KALRN: variants seen among roughly 807,000 people sequenced by gnomAD.
KALRN encodes the protein kalirin RhoGEF kinase.
A neutral mutation model predicts 353.7 loss-of-function variants in KALRN; 70 were observed. The ratio of observed to expected loss-of-function variants is 0.20; its 90% CI spans 0.16 to 0.24. KALRN has a LOEUF of 0.24. Among genes scored for constraint, KALRN ranks in the 10% least tolerant of loss-of-function variants. KALRN has a pLI of 1.00. For missense variants in KALRN, 2,791 were observed against 3,756.7 expected (o/e 0.74, Z 6.72); for synonymous variants, 1,391 against 1,434.8 (o/e 0.97, Z 0.69).
chr3:124,725,654 T>C lies in KALRN; in HGVS notation c.*6184T>C, dbSNP rs1478105801. On this transcript the variant is annotated 3_prime_UTR_variant, in exon 60 of 60. Coordinates refer to ENST00000682506, the MANE Select transcript of KALRN (RefSeq NM_001388419.1). ...TCTACTCATTCTGGAATTAATTTGCTGTCTTTTGACATCCACAAAGCCAAA... is the reference window on the plus strand; with the variant it reads ...TCTACTCATTCTGGAATTAATTTGCCGTCTTTTGACATCCACAAAGCCAAA... The C allele has an allele frequency of 3.3e-5, 5 of 152,264 alleles. No homozygotes were observed. Among genetic ancestry groups the C allele is most frequent in the Non-Finnish European group, 7.3e-5 (5 of 68,038 alleles). 9.4% of individuals were successfully genotyped at this position (152,264 alleles called of 1,614,324 possible).
At chr3:124,077,722 T>C (rs138120762) in intron 1 of KALRN, among the ~76,000 whole-genome samples, 7 of 152,358 alleles carry the variant, frequency 4.6e-5, no homozygotes, top group African/African-American at 1.4e-4. Flanking sequence ...TACCGTCTGA[T>C]ACGTCTTCCC....
intron 51 of KALRN, among the ~76,000 whole-genome samples, chr3:124,684,323 A>T (rs1001879926): frequency 3.3e-5 from 5 of 152,200 alleles, no homozygotes; most frequent in African/African-American, 1.2e-4. Flanking sequence ...AGATCCTGGC[A>T]GACGAGAAGA....
chr3:124,524,635 G>T (rs1400167189), intron 33 of KALRN, among the ~76,000 whole-genome samples: 1 of 152,184 alleles, frequency 6.6e-6, no homozygotes, highest in African/African-American at 2.4e-5. Flanking sequence ...AGAGTGGAAT[G>T]CAAGATTCAA....
At chr3:124,166,134 C>G (rs114608227) in intron 1 of KALRN, among the ~76,000 whole-genome samples, 393 of 152,242 alleles carry the variant, frequency 2.6e-3, no homozygotes, top group African/African-American at 8.7e-3. Context: ...GCCTGTCCCC[C>G]ACTCTACCAT....
chr3:124,698,952 C>T (rs1182319910), intron 55 of KALRN, among the ~76,000 whole-genome samples: 2 of 152,134 alleles, frequency 1.3e-5, no homozygotes, highest in Non-Finnish European at 2.9e-5. Context: ...CAGTTATTCA[C>T]AGTAATAACA....
chr3:124,230,857 C>CAAAAAAAAAAAA (rs796655959), intron 2 of KALRN, among the ~76,000 whole-genome samples: 3 of 93,696 alleles, frequency 3.2e-5, no homozygotes, highest in Non-Finnish European at 7.1e-5. Context: ...CCCCCAAAAC[C>CAAAAAAAAAAAA]AAAAAAAAAA....
chr3:124,671,540 A>C (rs2150369738), intron 47 of KALRN, 120 bp from the exon 48 acceptor site: 1 of 695,352 alleles, frequency 1.4e-6, no homozygotes, highest in Non-Finnish European at 2.6e-6. Context: ...CTTAAAAACA[A>C]GGGTAGTGTT....
rs114918311 is a variant in KALRN, at chr3:124,234,214, C to T, written c.149-615C>T. Among the ~76,000 whole-genome samples, 399 of 152,310 alleles carry T rather than the reference C, an allele frequency of 2.6e-3. 1 individual carries two copies. Among genetic ancestry groups the T allele is most frequent in the African/African-American group, 8.8e-3 (364 of 41,558 alleles). On this transcript the variant is annotated intron_variant, in intron 2 of 59. Transcript: ENST00000682506. Reference sequence around the variant, plus strand: ...TCTGATTTCTGATAAGATTCATGTGCTCCTCTAGCAGGAGTGACAGGTGGC... The same window carrying T: ...TCTGATTTCTGATAAGATTCATGTGTTCCTCTAGCAGGAGTGACAGGTGGC...
chr3:124,684,380 T>C (rs532651678), intron 51 of KALRN, among the ~76,000 whole-genome samples: 1 of 152,322 alleles, frequency 6.6e-6, no homozygotes, highest in Non-Finnish European at 1.5e-5. Flanking sequence ...TTATTCCATT[T>C]TCCAGCTCAA....
Position 124,657,501 on chromosome 3 carries a change from G to T in KALRN, c.5916G>T (p.Lys1972Asn). The change falls in exon 40 of 60, where the codon AAG (lysine) becomes AAT (asparagine). Residue 1972 changes from lysine to asparagine, a missense_variant. Physicochemically the swap from Lys to Asn is moderately conservative, Grantham distance 94. Coordinates refer to ENST00000682506, the MANE Select transcript of KALRN (RefSeq NM_001388419.1). The part of the protein sequence containing the change: ...EKGVPEDMRG[K>N]DKIVFGNIHQ... ...GTGTCCCTGAGGATATGCGAGGAAA[G>T]GACAAAATCGTGTTTGGAAATATTC... 6.2e-7 allele frequency: 1 copy of T among 1,614,098 alleles called. No homozygotes were observed. Among genetic ancestry groups the T allele is most frequent in the Admixed American group, 1.7e-5 (1 of 60,034 alleles).
chr3:124,503,562 G>C (rs1270847177), intron 33 of KALRN, among the ~76,000 whole-genome samples: 2 of 152,048 alleles, frequency 1.3e-5, no homozygotes, highest in African/African-American at 4.8e-5. Context: ...CAGGTGGCTG[G>C]AGGAGGAGGA....
intron 10 of KALRN, among the ~76,000 whole-genome samples, chr3:124,355,709 C>CTTTTTTTTTTTTTTT (rs3055894): frequency 7.2e-5 from 7 of 97,446 alleles, no homozygotes; most frequent in African/African-American, 2.8e-4. Flanking sequence ...TCTCTCCCAT[C>CTTTTTTTTTTTTTTT]TTTTTTTTTT....
intron 3 of KALRN, among the ~76,000 whole-genome samples, chr3:124,260,492 C>A (rs1450429851): frequency 6.6e-6 from 1 of 152,126 alleles, no homozygotes. Flanking sequence ...CCTTTGCCAC[C>A]CCTCAGGCTT....
chr3:124,644,468 C>T (rs1427463608), intron 37 of KALRN, among the ~76,000 whole-genome samples: 1 of 152,088 alleles, frequency 6.6e-6, no homozygotes, highest in Non-Finnish European at 1.5e-5. Flanking sequence ...TAATGCTATC[C>T]TTCCCCTAGC....
intron 36 of KALRN, among the ~76,000 whole-genome samples, chr3:124,634,640 G>A (rs2081158575): frequency 6.6e-6 from 1 of 152,204 alleles, no homozygotes; most frequent in South Asian, 2.1e-4. Flanking sequence ...GAGGCTTGGG[G>A]CAGCTTTATG....
At chr3:124,384,594 C>T in intron 10 of KALRN, 1 of 387,896 alleles carries the variant, frequency 2.6e-6, no homozygotes, top group Non-Finnish European at 4.7e-6. Flanking sequence ...ACGCTCTCCC[C>T]ACTTCTTTCC....
intron 1 of KALRN, among the ~76,000 whole-genome samples, chr3:124,178,723 G>C (rs1019260779): frequency 6.6e-6 from 1 of 152,222 alleles, no homozygotes; most frequent in South Asian, 2.1e-4. Context: ...GGGTGAGTCA[G>C]TGGTGAGTGA....
chr3:124,318,109 A>G (rs1560548021), intron 6 of KALRN, among the ~76,000 whole-genome samples: 1 of 152,206 alleles, frequency 6.6e-6, no homozygotes, highest in Non-Finnish European at 1.5e-5. Flanking sequence ...AATGGTTTGT[A>G]AAGCAATTGC....
chr3:124,427,939 C>T (rs1270374253), intron 15 of KALRN, among the ~76,000 whole-genome samples: 3 of 152,172 alleles, frequency 2.0e-5, no homozygotes, highest in African/African-American at 4.8e-5. Context: ...TTTATTTTCT[C>T]TTTACCCCAT....
Sources: allele counts gnomAD v4.1 joint callset (sites outside exome capture counted in the v4.1 genomes callset), GRCh38; gene constraint gnomAD v4.1.1; transcripts MANE v1.5; gene names NCBI Gene and HGNC (gene_info 2026-07-23, HGNC 2026-07-21).